Variants in COL21A1 observed in about 807,000 individuals in gnomAD.
COL21A1 encodes the protein collagen alpha-1(XXI) chain.
COL21A1 carries 149 observed loss-of-function variants against 137.9 expected under a neutral mutation model. The observed-to-expected ratio is 1.08, with a 90% CI of 0.95 to 1.24. The LOEUF (loss-of-function observed/expected upper bound fraction) is 1.24. COL21A1 is among the 50% of genes most tolerant of loss of function. The pLI, the probability that COL21A1 is intolerant of heterozygous loss-of-function variation, is 0.00. For missense variants in COL21A1, 1,167 were observed against 1,158.4 expected (o/e 1.01, Z -0.11); for synonymous variants, 456 against 391.5 (o/e 1.16, Z -1.95).
intron 1 of COL21A1, chr6:56,276,475 T>C: frequency 1.3e-6 from 1 of 751,258 alleles, no homozygotes; most frequent in Non-Finnish European, 2.1e-6. Context: ...ATACATACTT[T>C]TTTCAGAGAG....
chr6:56,171,216 G>A, intron 3 of COL21A1, 88 bp from the exon 4 acceptor site: 1 of 782,408 alleles, frequency 1.3e-6, no homozygotes, highest in Non-Finnish European at 2.0e-6. Flanking sequence ...AGACAATATA[G>A]TATTCTATCA....
chr6:56,060,090 C>A lies in COL21A1; in HGVS notation c.2536G>T (p.Gly846Cys). ...GGAACACCATCTCTTCCTGGCAAAC[C>A]AGGTAATCCTCTGGGACCCTCTGGG... ...IGPEGPRGLP[G>C]LPGRDGVPGL... The change falls in exon 28 of 30, where the codon GGT becomes TGT. Residue 846 changes from glycine (G) to cysteine (C), a missense_variant. Physicochemically the swap from Gly to Cys is radical, Grantham distance 159 (BLOSUM62 -3). Coordinates refer to ENST00000244728, the MANE Select transcript of COL21A1 (RefSeq NM_030820.4). 1 of 1,609,820 alleles carries A rather than the reference C, an allele frequency of 6.2e-7. No individual in the cohort carries two copies. The highest frequency in any genetic ancestry group is 1.7e-5 in the Admixed American group (1 of 58,734).
intron 29 of COL21A1, 96 bp from the exon 30 acceptor site, chr6:56,057,940 C>T (rs889424009): frequency 1.9e-5 from 16 of 845,422 alleles, no homozygotes; most frequent in Non-Finnish European, 2.8e-5. Context: ...AAAAAAAAAC[C>T]TTGAATATTT....
chr6:56,291,860 G>A (rs1764054253), intron 1 of COL21A1, among the ~76,000 whole-genome samples: 1 of 152,108 alleles, frequency 6.6e-6, no homozygotes, highest in South Asian at 2.1e-4. Flanking sequence ...ACTTCACCAT[G>A]GTTTATCATC....
At chr6:56,271,869 T>C (rs868645694) in intron 1 of COL21A1, among the ~76,000 whole-genome samples, 18 of 152,178 alleles carry the variant, frequency 1.2e-4, no homozygotes, top group African/African-American at 4.1e-4. Flanking sequence ...GTGGCTTCCA[T>C]GTGGTGTTGG....
intron 1 of COL21A1, among the ~76,000 whole-genome samples, chr6:56,313,598 A>T (rs1734329665): frequency 1.3e-5 from 2 of 151,896 alleles, no homozygotes; most frequent in Admixed American, 6.6e-5. Context: ...TCAGATTAGG[A>T]CTCCACCCTT....
chr6:56,308,176 C>T (rs1033630536), intron 1 of COL21A1, among the ~76,000 whole-genome samples: 5 of 152,006 alleles, frequency 3.3e-5, no homozygotes, highest in Non-Finnish European at 7.4e-5. Context: ...TGGTAACAGC[C>T]CATAAAGAAT....
chr6:56,208,684 A>T (rs1779959119), intron 1 of COL21A1, among the ~76,000 whole-genome samples: 1 of 152,202 alleles, frequency 6.6e-6, no homozygotes, highest in Non-Finnish European at 1.5e-5. Flanking sequence ...GTTAAATTTC[A>T]TATGGAAACC....
At chr6:56,264,218 A>T (rs573498986) in intron 1 of COL21A1, among the ~76,000 whole-genome samples, 6 of 152,314 alleles carry the variant, frequency 3.9e-5, no homozygotes, top group Non-Finnish European at 7.4e-5. Context: ...TCCACAAGAA[A>T]AGGGTTTCAT....
chr6:56,262,031 A>AAGCTTATATATATATATAT (rs1442665092), intron 1 of COL21A1, among the ~76,000 whole-genome samples: 1 of 152,248 alleles, frequency 6.6e-6, no homozygotes, highest in African/African-American at 2.4e-5. Context: ...CTGTCTCTGC[A>AAGCTTATATATATATATAT]AAACTCATAT....
At chr6:56,069,214 G>T (rs1274908711) in intron 21 of COL21A1, 97 bp from the exon 22 acceptor site, 5 of 673,828 alleles carry the variant, frequency 7.4e-6, no homozygotes, top group Non-Finnish European at 9.5e-6. Context: ...AAAATGAATG[G>T]TTAAAAAAAT....
chr6:56,064,568 CA>C lies in COL21A1; in HGVS notation c.2172+9del, dbSNP rs1562139202. 6.3e-7 allele frequency: 1 copy of C among 1,586,272 alleles called. No homozygotes were observed. Among genetic ancestry groups the C allele is most frequent in the Non-Finnish European group, 8.6e-7 (1 of 1,163,298 alleles). ...ATTTCATTTTTTATCAGAAGAAAACCAAAAAATACCTGTTGCCCTGGAATTC... is the reference window on the plus strand; with the variant it reads ...ATTTCATTTTTTATCAGAAGAAAACCAAAAATACCTGTTGCCCTGGAATTC... On this transcript the variant is annotated intron_variant, in intron 24 of 29. Coordinates refer to ENST00000244728, the MANE Select transcript of COL21A1 (RefSeq NM_030820.4).
At chr6:56,209,758 C>T (rs1191868760) in intron 1 of COL21A1, among the ~76,000 whole-genome samples, 1 of 152,066 alleles carries the variant, frequency 6.6e-6, no homozygotes, top group East Asian at 1.9e-4. Flanking sequence ...ACCATTTGAC[C>T]CAGCAATCCC....
At chr6:56,209,409 C>A (rs1780007447) in intron 1 of COL21A1, among the ~76,000 whole-genome samples, 1 of 152,072 alleles carries the variant, frequency 6.6e-6, no homozygotes, top group Non-Finnish European at 1.5e-5. Context: ...CCAGAATCTA[C>A]AAAGAACATA....
At chr6:56,191,747 C>A (rs955274376) in intron 1 of COL21A1, among the ~76,000 whole-genome samples, 1 of 152,038 alleles carries the variant, frequency 6.6e-6, no homozygotes, top group Non-Finnish European at 1.5e-5. Context: ...AGAGAGGACA[C>A]AAACGAATGG....
At position 56,105,549 on chromosome 6, in the gene COL21A1, T is replaced by G. The variant is rs1315555863; in HGVS notation, c.1759-4024A>C. Among the ~76,000 whole-genome samples, 4 of 152,136 alleles carry G rather than the reference T, an allele frequency of 2.6e-5. No homozygotes were observed. The East Asian group carries it at 7.7e-4, about 29-fold the overall frequency. On this transcript the variant is annotated intron_variant, in intron 16 of 29. Transcript: ENST00000244728. ...TAAGATATCATTAAAAACAGTAGGG[T>G]CAATAGTTTCATCATTATTTTCTAT... is the stretch of plus-strand genomic sequence containing the variant.
At chr6:56,148,332 A>AAGAGAAAG (rs1554145096) in intron 10 of COL21A1, among the ~76,000 whole-genome samples, 1 of 24,712 alleles carries the variant, frequency 4.0e-5, no homozygotes, top group Admixed American at 4.2e-4. Flanking sequence ...TTAGTGAGAC[A>AAGAGAAAG]AGAGACAGAG....
At chr6:56,134,884 A>G (rs1773860249) in intron 12 of COL21A1, among the ~76,000 whole-genome samples, 1 of 152,152 alleles carries the variant, frequency 6.6e-6, no homozygotes, top group Non-Finnish European at 1.5e-5. Context: ...AGGCCTCCCC[A>G]GTCACATGGA....
At chr6:56,225,194 T>A (rs550980668) in intron 1 of COL21A1, among the ~76,000 whole-genome samples, 4 of 152,070 alleles carry the variant, frequency 2.6e-5, no homozygotes, top group Admixed American at 1.3e-4. Context: ...TTTGACATTA[T>A]GCAAGTTACA....
Sources: gnomAD v4.1 joint callset for allele counts (sites outside exome capture counted in the v4.1 genomes callset) on GRCh38, gnomAD v4.1.1 for gene constraint, MANE v1.5 for transcripts, NCBI Gene and HGNC (gene_info 2026-07-23, HGNC 2026-07-21) for gene names.